Variants in UBE3D observed in about 807,000 individuals in gnomAD.
The protein encoded by UBE3D is E3 ubiquitin-protein ligase E3D.
UBE3D carries 48 observed loss-of-function variants against 49.6 expected under a neutral mutation model. The ratio of observed to expected loss-of-function variants is 0.97; its 90% CI spans 0.77 to 1.23. The LOEUF (loss-of-function observed/expected upper bound fraction) is 1.23. Among genes scored for constraint, UBE3D ranks in the 50% most tolerant of loss-of-function variants. The pLI, the probability that UBE3D is intolerant of heterozygous loss-of-function variation, is 0.00. For synonymous variants in UBE3D, 189 were observed against 174.2 expected (o/e 1.08, Z -0.67); for missense variants, 452 against 468.4 (o/e 0.96, Z 0.32).
chr6:83,056,512 G>A (rs1783824965), intron 2 of UBE3D, among the ~76,000 whole-genome samples: 1 of 152,094 alleles, frequency 6.6e-6, no homozygotes, highest in African/African-American at 2.4e-5. Flanking sequence ...TTCTTGCTAT[G>A]GTTATTCCAA....
chr6:82,950,167 GA>G (rs1775684082), intron 9 of UBE3D, among the ~76,000 whole-genome samples: 1 of 152,040 alleles, frequency 6.6e-6, no homozygotes, highest in South Asian at 2.1e-4. Flanking sequence ...AACTCTATAG[GA>G]AAATATCTAA....
intron 9 of UBE3D, among the ~76,000 whole-genome samples, chr6:82,902,177 A>G (rs919534762): frequency 1.3e-5 from 2 of 152,224 alleles, no homozygotes; most frequent in African/African-American, 4.8e-5. Flanking sequence ...TGAGTCTTCC[A>G]CACATTGCTG....
intron 9 of UBE3D, among the ~76,000 whole-genome samples, chr6:82,900,040 C>T (rs749522370): frequency 6.6e-6 from 1 of 152,134 alleles, no homozygotes. Context: ...ACTCACAAAT[C>T]AAAAAGTCCC....
At chr6:83,025,373 C>G (rs1472337281) in intron 5 of UBE3D, among the ~76,000 whole-genome samples, 3 of 151,126 alleles carry the variant, frequency 2.0e-5, no homozygotes, top group African/African-American at 4.9e-5. Context: ...TCTTGGAGTT[C>G]TAAAAAAATC....
At chr6:83,024,588 AT>A (rs1207270522) in intron 5 of UBE3D, among the ~76,000 whole-genome samples, 1 of 152,114 alleles carries the variant, frequency 6.6e-6, no homozygotes, top group Non-Finnish European at 1.5e-5. Context: ...CACAGGAAGC[AT>A]TCAGGGATCC....
intron 3 of UBE3D, among the ~76,000 whole-genome samples, chr6:83,050,656 C>T (rs1192620107): frequency 2.0e-5 from 3 of 152,190 alleles, no homozygotes; most frequent in East Asian, 1.9e-4. Flanking sequence ...TTACCACTCA[C>T]ATAAAACAGA....
chr6:82,973,427 C>T (rs1216377182), intron 8 of UBE3D, among the ~76,000 whole-genome samples: 1 of 152,182 alleles, frequency 6.6e-6, no homozygotes, highest in Non-Finnish European at 1.5e-5. Flanking sequence ...CCCCGAAGAG[C>T]ACCTTGAGTT....
intron 9 of UBE3D, among the ~76,000 whole-genome samples, chr6:82,931,685 A>T (rs1666747706): frequency 6.6e-6 from 1 of 152,204 alleles, no homozygotes; most frequent in African/African-American, 2.4e-5. Context: ...TCTCATTTGG[A>T]ATGGGTGTAT....
chr6:82,906,581 A>G (rs1772116190), intron 9 of UBE3D, among the ~76,000 whole-genome samples: 1 of 152,210 alleles, frequency 6.6e-6, no homozygotes, highest in Non-Finnish European at 1.5e-5. Flanking sequence ...ACATAGAATC[A>G]GCCATTTTCC....
chr6:82,893,066 A>G (rs2127709663), intron 9 of UBE3D, 24 bp from the exon 10 acceptor site: 1 of 1,613,054 alleles, frequency 6.2e-7, no homozygotes, highest in South Asian at 1.1e-5. Flanking sequence ...AAAAACCCAC[A>G]ATGCTTTACT....
intron 8 of UBE3D, among the ~76,000 whole-genome samples, chr6:82,980,392 G>A (rs111827345): frequency 0.03 from 4,628 of 152,086 alleles, 110 homozygotes; most frequent in African/African-American, 0.066. Flanking sequence ...TTTGAAAAAT[G>A]TCTACTCATG....
chr6:82,886,741 T>C, the UBE3D span, among the ~76,000 whole-genome samples: 2 of 152,184 alleles, frequency 1.3e-5, no homozygotes, highest in African/African-American at 4.8e-5. Flanking sequence ...AAAAAAAGTT[T>C]CAACTTAATT....
chr6:83,043,378 T>C (rs1338922730), intron 4 of UBE3D, among the ~76,000 whole-genome samples: 1 of 151,934 alleles, frequency 6.6e-6, no homozygotes, highest in African/African-American at 2.4e-5. Context: ...ATATAACAAA[T>C]ATATATTAAC....
chr6:82,932,374 T>C (rs1413833756), intron 9 of UBE3D, among the ~76,000 whole-genome samples: 2 of 152,148 alleles, frequency 1.3e-5, no homozygotes, highest in African/African-American at 4.8e-5. Context: ...TATAAAATGG[T>C]GTATCTTTAA....
At chr6:82,981,546 A>C (rs1385614618) in intron 8 of UBE3D, among the ~76,000 whole-genome samples, 1 of 152,018 alleles carries the variant, frequency 6.6e-6, no homozygotes, top group African/African-American at 2.4e-5. Context: ...CTGTCAATGA[A>C]GGAAGCATTT....
chr6:82,895,012 C>T (rs968405938), intron 9 of UBE3D, among the ~76,000 whole-genome samples: 3 of 152,180 alleles, frequency 2.0e-5, no homozygotes, highest in South Asian at 2.1e-4. Flanking sequence ...AATGACATTA[C>T]GAAAATGGTT....
intron 8 of UBE3D, among the ~76,000 whole-genome samples, chr6:82,965,782 A>G (rs1562130179): frequency 6.6e-6 from 1 of 152,162 alleles, no homozygotes; most frequent in Non-Finnish European, 1.5e-5. Flanking sequence ...ATAAGAGAGA[A>G]AAGTGTAATG....
At chr6:83,008,060 G>A (rs1040685236) in intron 8 of UBE3D, among the ~76,000 whole-genome samples, 10 of 152,206 alleles carry the variant, frequency 6.6e-5, no homozygotes. Context: ...AACACACTGA[G>A]GGAAAAGGCA....
intron 8 of UBE3D, among the ~76,000 whole-genome samples, chr6:83,004,935 AT>A (rs1490953980): frequency 1.3e-5 from 2 of 152,206 alleles, no homozygotes; most frequent in Non-Finnish European, 1.5e-5. Context: ...TGGCAATGAT[AT>A]CTTGGAAATG....
Sources: allele counts gnomAD v4.1 joint callset (sites outside exome capture counted in the v4.1 genomes callset), GRCh38; gene constraint gnomAD v4.1.1; transcripts MANE v1.5; gene names NCBI Gene and HGNC (gene_info 2026-07-23, HGNC 2026-07-21).